HIPK3: variants seen among roughly 807,000 people sequenced by gnomAD.
HIPK3 encodes homeodomain interacting protein kinase 3, also known as homeodomain-interacting protein kinase 3.
Under a neutral mutation model 124.2 loss-of-function variants are expected in HIPK3, and 47 were observed. The observed-to-expected ratio is 0.38, with a 90% CI of 0.30 to 0.48. The LOEUF (loss-of-function observed/expected upper bound fraction) is 0.48, where lower values mean the gene tolerates loss of function less well. Ranked by LOEUF, HIPK3 falls within the 20% of genes least tolerant of loss-of-function variation. The probability of loss-of-function intolerance (pLI) is 0.98; values close to 1 mark genes in which losing one functional copy is unlikely to be tolerated. For synonymous variants in HIPK3, 482 were observed against 515.2 expected, an observed-to-expected ratio of 0.94 and a Z score of 0.87; for missense variants, 1,286 against 1,454.3, an observed-to-expected ratio of 0.88 and a Z score of 1.88.
chr11:33,291,971 G>T (rs901838885), intron 2 of HIPK3, among the ~76,000 whole-genome samples: 4 of 152,230 alleles, frequency 2.6e-5, no homozygotes, highest in Non-Finnish European at 4.4e-5. Flanking sequence ...TTCTTTCATG[G>T]CATTCTTACC....
intron 2 of HIPK3, among the ~76,000 whole-genome samples, chr11:33,315,007 A>G (rs530536091): frequency 2.0e-5 from 3 of 152,358 alleles, no homozygotes; most frequent in African/African-American, 7.2e-5. Flanking sequence ...TCCAAATGCA[A>G]TACAAATATG....
At chr11:33,339,576 AT>A (rs1355548303) in intron 6 of HIPK3, 42 bp downstream of exon 6, 1 of 1,349,898 alleles carries the variant, frequency 7.4e-7, no homozygotes, top group East Asian at 2.3e-5. Flanking sequence ...CTAAAAAAAA[AT>A]AAGTCTGTAG....
At chr11:33,323,544 G>A (rs1278513025) in intron 2 of HIPK3, among the ~76,000 whole-genome samples, 3 of 152,160 alleles carry the variant, frequency 2.0e-5, no homozygotes, top group African/African-American at 7.2e-5. Flanking sequence ...CGTCCGGCTG[G>A]ATTCCATTTA....
intron 2 of HIPK3, among the ~76,000 whole-genome samples, chr11:33,292,008 A>G (rs1851711076): frequency 6.6e-6 from 1 of 152,224 alleles, no homozygotes; most frequent in Non-Finnish European, 1.5e-5. Context: ...ATCCAGAAGT[A>G]TCAAAGTTTC....
At chr11:33,349,107 T>A (rs761702813) in intron 13 of HIPK3, 40 bp from the exon 14 acceptor site, 3 of 1,588,508 alleles carry the variant, frequency 1.9e-6, no homozygotes, top group East Asian at 2.2e-5. Flanking sequence ...GAGTATCTTC[T>A]TGTATTTGAC....
At chr11:33,275,778 G>A (rs777757290) in intron 1 of HIPK3, among the ~76,000 whole-genome samples, 14 of 152,168 alleles carry the variant, frequency 9.2e-5, no homozygotes, top group Non-Finnish European at 2.1e-4. Context: ...ATGACCAACA[G>A]CTTTAAAAAC....
intron 2 of HIPK3, among the ~76,000 whole-genome samples, chr11:33,305,415 A>G (rs557368671): frequency 6.6e-6 from 1 of 152,356 alleles, no homozygotes; most frequent in East Asian, 1.9e-4. Context: ...ATAAGAATCT[A>G]AAAGTAAACA....
At chr11:33,301,619 TAAAAAA>T (rs76292557) in intron 2 of HIPK3, among the ~76,000 whole-genome samples, 2 of 91,136 alleles carry the variant, frequency 2.2e-5, no homozygotes, top group African/African-American at 8.2e-5. Context: ...CCCATCTCTA[TAAAAAA>T]AAAAAAAAAA....
intron 2 of HIPK3, among the ~76,000 whole-genome samples, chr11:33,324,308 A>T (rs1852747744): frequency 6.6e-6 from 1 of 152,150 alleles, no homozygotes; most frequent in African/African-American, 2.4e-5. Context: ...TTTCATCTAG[A>T]TTTTAAGTGC....
chr11:33,344,272 A>G (rs1048233543), intron 8 of HIPK3, among the ~76,000 whole-genome samples: 2 of 152,194 alleles, frequency 1.3e-5, no homozygotes, highest in Non-Finnish European at 2.9e-5. Flanking sequence ...ATCTTGACAA[A>G]TGCATTTTCA....
chr11:33,314,439 G>T (rs539331583), intron 2 of HIPK3, among the ~76,000 whole-genome samples: 51 of 152,218 alleles, frequency 3.4e-4, no homozygotes, highest in African/African-American at 1.2e-3. Context: ...GATCACTTGA[G>T]GTCAGGAGTT....
intron 6 of HIPK3, among the ~76,000 whole-genome samples, chr11:33,340,604 T>C (rs76691750): frequency 0.021 from 3,215 of 152,308 alleles, 83 homozygotes; most frequent in South Asian, 0.11. Flanking sequence ...TCATATACAG[T>C]CACTTTGAAA....
In HIPK3 at chr11:33,334,607, G is replaced by A. The variant is rs1470360721; in HGVS notation, c.1222-2468G>A. Among the ~76,000 whole-genome samples the A allele has an allele frequency of 2.0e-5, 3 of 151,716 alleles. No individual in the cohort carries two copies. The East Asian group carries it at 5.8e-4, about 29-fold the overall frequency. On this transcript the variant is annotated intron_variant, in intron 3 of 16. Coordinates refer to ENST00000303296, the MANE Select transcript of HIPK3 (RefSeq NM_005734.5). The stretch of plus-strand genomic sequence containing the variant: ...ATTGGAAGAAGAAAAATTGTCTTGG[G>A]CCACACATAAAATACACTAAAATTA...
At chr11:33,280,218 A>G (rs1851376144) in intron 1 of HIPK3, among the ~76,000 whole-genome samples, 1 of 152,232 alleles carries the variant, frequency 6.6e-6, no homozygotes, top group Non-Finnish European at 1.5e-5. Context: ...GATAAGAACA[A>G]TTGGCAGGGT....
At position 33,292,554 on chromosome 11, in the gene HIPK3, C is replaced by A. The variant is rs537112469; in HGVS notation, c.1097+5043C>A. Among the ~76,000 whole-genome samples, 12 of 152,158 alleles carry A rather than the reference C, an allele frequency of 7.9e-5. No individual in the cohort carries two copies. The South Asian group carries it at 1.0e-3, about 13-fold the overall frequency. On this transcript the variant is annotated intron_variant, in intron 2 of 16. Coordinates refer to ENST00000303296, the MANE Select transcript of HIPK3 (RefSeq NM_005734.5). Reference sequence around the variant, plus strand: ...ACAGCAGAGAAGGAGCCAGGGTTGACTGGTCTTGAGCATTTTCTCTCACTA... The same window carrying A: ...ACAGCAGAGAAGGAGCCAGGGTTGAATGGTCTTGAGCATTTTCTCTCACTA...
chr11:33,276,351 T>C (rs1172530501), intron 1 of HIPK3, among the ~76,000 whole-genome samples: 1 of 152,252 alleles, frequency 6.6e-6, no homozygotes, highest in African/African-American at 2.4e-5. Flanking sequence ...ATACTGCCAT[T>C]ATTTTATAGA....
At chr11:33,337,777 G>T (rs1005090967) in intron 4 of HIPK3, among the ~76,000 whole-genome samples, 1 of 151,576 alleles carries the variant, frequency 6.6e-6, no homozygotes, top group Non-Finnish European at 1.5e-5. Flanking sequence ...AGGTTCAAGC[G>T]ATTCTCCTGC....
At chr11:33,285,614 AT>A (rs35492784) in intron 1 of HIPK3, among the ~76,000 whole-genome samples, 1 of 151,048 alleles carries the variant, frequency 6.6e-6, no homozygotes, top group South Asian at 2.1e-4. Flanking sequence ...GCAGACATAG[AT>A]TTTTTTTCCT....
Position 33,340,959 on chromosome 11 carries a change from C to T in HIPK3, c.1614-9C>T. The T allele has an allele frequency of 2.0e-6, 3 of 1,519,890 alleles. No individual in the cohort carries two copies. Among genetic ancestry groups the T allele is most frequent in the Middle Eastern group, 1.8e-4 (1 of 5,416 alleles). The allele number at this position is 1,519,890 out of a possible 1,614,324, so 94.2% of individuals were successfully genotyped here. Reference sequence around the variant, plus strand: ...TAATACTGTAATACCTTCACTTTTTCTTTTACAGTGTAAAGTCCTGTTTTC... The same window carrying T: ...TAATACTGTAATACCTTCACTTTTTTTTTTACAGTGTAAAGTCCTGTTTTC... On this transcript the variant is annotated splice_polypyrimidine_tract_variant and intron_variant, in intron 6 of 16. Coordinates refer to ENST00000303296, the MANE Select transcript of HIPK3 (RefSeq NM_005734.5).
Sources: allele counts gnomAD v4.1 joint callset (sites outside exome capture counted in the v4.1 genomes callset), GRCh38; gene constraint gnomAD v4.1.1; transcripts MANE v1.5; gene names NCBI Gene and HGNC (gene_info 2026-07-23, HGNC 2026-07-21).